Variants in CACNA2D3 observed in about 807,000 individuals in gnomAD.
CACNA2D3 encodes voltage-dependent calcium channel subunit alpha-2/delta-3.
A neutral mutation model predicts 160.6 loss-of-function variants in CACNA2D3; 60 were observed. The ratio of observed to expected loss-of-function variants is 0.37; its 90% CI spans 0.30 to 0.46. The LOEUF (loss-of-function observed/expected upper bound fraction) is 0.46, where lower values mean the gene tolerates loss of function less well. CACNA2D3 is among the 20% of genes least tolerant of loss of function. The pLI, the probability that CACNA2D3 is intolerant of heterozygous loss-of-function variation, is 1.00. For synonymous variants in CACNA2D3, 558 were observed against 492.9 expected, an observed-to-expected ratio of 1.13 and a Z score of -1.75; for missense variants, 1,205 against 1,365.0, an observed-to-expected ratio of 0.88 and a Z score of 1.85.
At chr3:54,739,767 G>C (rs935526020) in intron 11 of CACNA2D3, among the ~76,000 whole-genome samples, 1 of 149,814 alleles carries the variant, frequency 6.7e-6, no homozygotes, top group African/African-American at 2.4e-5. Context: ...GTGTGTGTGT[G>C]TGTGTGTGTG....
In CACNA2D3 at chr3:54,615,792, G is replaced by A. The variant is rs78165654; in HGVS notation, c.964-11995G>A. Among the ~76,000 whole-genome samples, 131 of 152,290 alleles carry A rather than the reference G, an allele frequency of 8.6e-4. 1 individual carries two copies. The East Asian group carries it at 0.02, about 23-fold the overall frequency. Reference sequence around the variant, plus strand: ...CAGATCAAATACCATACTGGTCTCTGGTCTGTTAGGAACCAGGCTGCACAG... The same window carrying A: ...CAGATCAAATACCATACTGGTCTCTAGTCTGTTAGGAACCAGGCTGCACAG... On this transcript the variant is annotated intron_variant, in intron 9 of 37. Coordinates refer to ENST00000474759, the MANE Select transcript of CACNA2D3 (RefSeq NM_018398.3).
intron 11 of CACNA2D3, among the ~76,000 whole-genome samples, chr3:54,667,598 C>T (rs62257063): frequency 4.6e-5 from 7 of 152,156 alleles, no homozygotes; most frequent in Admixed American, 3.9e-4. Flanking sequence ...AAAGAAAAGA[C>T]ACAGTCTAGT....
At chr3:54,214,101 C>T (rs1174603874) in intron 2 of CACNA2D3, among the ~76,000 whole-genome samples, 2 of 152,192 alleles carry the variant, frequency 1.3e-5, no homozygotes, top group Non-Finnish European at 2.9e-5. Flanking sequence ...TTCAGAGCAT[C>T]TCGTGGTGAC....
At chr3:54,978,501 A>AT (rs1702438577) in intron 29 of CACNA2D3, among the ~76,000 whole-genome samples, 1 of 152,256 alleles carries the variant, frequency 6.6e-6, no homozygotes, top group Non-Finnish European at 1.5e-5. Flanking sequence ...ACAAAAGATG[A>AT]TATCTAGAAG....
rs1039813372 is a variant in CACNA2D3, at chr3:54,884,699, C to T, written c.1913-582C>T. On this transcript the variant is annotated intron_variant, in intron 21 of 37. Coordinates refer to ENST00000474759, the MANE Select transcript of CACNA2D3 (RefSeq NM_018398.3). ...AGCCCCAGCTCCCCTAGTTTCCTTC[C>T]CAGGCGGATGACCGTTTTCACTTAG... Among the ~76,000 whole-genome samples, 3 of 152,156 alleles carry T rather than the reference C, an allele frequency of 2.0e-5. No homozygotes were observed. In the East Asian group the frequency reaches 5.8e-4, roughly 29 times the overall value.
chr3:54,771,302 C>G (rs1702316881), intron 13 of CACNA2D3, among the ~76,000 whole-genome samples: 1 of 152,168 alleles, frequency 6.6e-6, no homozygotes, highest in African/African-American at 2.4e-5. Flanking sequence ...AACAAATCAG[C>G]ACAGACTTAG....
At chr3:54,369,201 G>T (rs1183113818) in intron 3 of CACNA2D3, among the ~76,000 whole-genome samples, 1 of 151,864 alleles carries the variant, frequency 6.6e-6, no homozygotes, top group Non-Finnish European at 1.5e-5. Context: ...CTTTACAAAG[G>T]AGCATTGTCC....
intron 11 of CACNA2D3, among the ~76,000 whole-genome samples, chr3:54,688,952 A>T (rs1257131078): frequency 1.6e-5 from 2 of 124,274 alleles, no homozygotes; most frequent in Non-Finnish European, 3.2e-5. Context: ...ATTGCGCTCC[A>T]GCCTGGGAGA....
chr3:54,448,591 CA>C (rs1435458740), intron 4 of CACNA2D3, among the ~76,000 whole-genome samples: 1 of 152,152 alleles, frequency 6.6e-6, no homozygotes, highest in Non-Finnish European at 1.5e-5. Context: ...GTGTCCCTTA[CA>C]AAAAAGTGTC....
At chr3:54,193,073 A>T (rs181289523) in intron 2 of CACNA2D3, among the ~76,000 whole-genome samples, 8 of 152,330 alleles carry the variant, frequency 5.3e-5, no homozygotes, top group African/African-American at 1.9e-4. Flanking sequence ...AATGATTCAC[A>T]TTTAATCCTC....
At chr3:54,287,886 A>G (rs941528256) in intron 2 of CACNA2D3, among the ~76,000 whole-genome samples, 14 of 150,432 alleles carry the variant, frequency 9.3e-5, no homozygotes, top group African/African-American at 2.7e-4. Context: ...AACGAGAACA[A>G]AGGCACAACA....
At chr3:54,694,756 C>T (rs907600128) in intron 11 of CACNA2D3, among the ~76,000 whole-genome samples, 2 of 152,300 alleles carry the variant, frequency 1.3e-5, no homozygotes, top group Admixed American at 6.5e-5. Flanking sequence ...ACCCCCTCCT[C>T]TGTTTTCATT....
intron 35 of CACNA2D3, among the ~76,000 whole-genome samples, chr3:55,052,589 T>C (rs1301693449): frequency 6.6e-6 from 1 of 152,122 alleles, no homozygotes; most frequent in African/African-American, 2.4e-5. Flanking sequence ...AGTGTTGCAG[T>C]CTCCAACTGT....
chr3:54,651,547 G>A (rs1264158544), intron 11 of CACNA2D3, among the ~76,000 whole-genome samples: 8 of 152,088 alleles, frequency 5.3e-5, no homozygotes, highest in Non-Finnish European at 1.2e-4. Flanking sequence ...CTTGGTTTGA[G>A]GGTAAAGGGA....
chr3:55,053,780 T>A (rs1305982265), intron 35 of CACNA2D3, among the ~76,000 whole-genome samples: 1 of 151,998 alleles, frequency 6.6e-6, no homozygotes, highest in Non-Finnish European at 1.5e-5. Flanking sequence ...ATGTCCTTTC[T>A]TGCCTTACTG....
At chr3:54,933,754 C>T (rs112105803) in intron 27 of CACNA2D3, among the ~76,000 whole-genome samples, 5 of 134,462 alleles carry the variant, frequency 3.7e-5, no homozygotes, top group Non-Finnish European at 7.7e-5. Flanking sequence ...AAAGATATTA[C>T]TATTACTTTT....
rs149542144 is a variant in CACNA2D3 at position 54,563,763 on chromosome 3, T to C, written c.676+832T>C. Among the ~76,000 whole-genome samples, 591 of 152,264 alleles carry C rather than the reference T, an allele frequency of 3.9e-3. 3 individuals carry two copies. The highest frequency in any genetic ancestry group is 5.7e-3 in the Non-Finnish European group (389 of 68,014). On this transcript the variant is annotated intron_variant, in intron 6 of 37. Transcript: ENST00000474759. ...TCTTGGAGCAATTAAGTGAAGTCTT[T>C]CATGTTTTCATTAAGTAAGACTAGG... is the stretch of plus-strand genomic sequence containing the variant.
chr3:54,895,985 G>C (rs146502862), intron 25 of CACNA2D3, among the ~76,000 whole-genome samples: 2 of 152,186 alleles, frequency 1.3e-5, no homozygotes, highest in African/African-American at 2.4e-5. Flanking sequence ...TAAATAAAAG[G>C]CTATATGAAA....
At chr3:54,990,620 A>C (rs1360595125) in intron 31 of CACNA2D3, among the ~76,000 whole-genome samples, 1 of 152,210 alleles carries the variant, frequency 6.6e-6, no homozygotes, top group Non-Finnish European at 1.5e-5. Flanking sequence ...CTCCAAGAGG[A>C]GAGCACTACC....
Sources: allele counts gnomAD v4.1 joint callset (sites outside exome capture counted in the v4.1 genomes callset), GRCh38; gene constraint gnomAD v4.1.1; transcripts MANE v1.5; gene names NCBI Gene and HGNC (gene_info 2026-07-23, HGNC 2026-07-21).